The following PIBF1 variants were observed in gnomAD, a reference collection of about 807,000 sequenced individuals.
PIBF1 encodes progesterone immunomodulatory binding factor 1.
PIBF1 carries 90 observed loss-of-function variants against 112.5 expected under a neutral mutation model. The ratio of observed to expected loss-of-function variants is 0.80; its 90% CI spans 0.67 to 0.95. PIBF1 has a LOEUF of 0.95. Among genes scored for constraint, PIBF1 ranks in the 40% least tolerant of loss-of-function variants. The pLI, the probability that PIBF1 is intolerant of heterozygous loss-of-function variation, is 0.00. For synonymous variants in PIBF1, 301 were observed against 288.6 expected (o/e 1.04, Z -0.44); for missense variants, 915 against 852.3 (o/e 1.07, Z -0.92).
intron 16 of PIBF1, chr13:72,974,289 C>G (rs1007769921): frequency 6.6e-6 from 1 of 152,166 alleles, no homozygotes; most frequent in African/African-American, 2.4e-5. Context: ...ACAGTTGTGT[C>G]AGCACCACCA....
intron 3 of PIBF1, among the ~76,000 whole-genome samples, chr13:72,793,077 A>G (rs2035018571): frequency 6.6e-6 from 1 of 152,224 alleles, no homozygotes; most frequent in Non-Finnish European, 1.5e-5. Context: ...TTAAAGATTG[A>G]GGGCAAACAT....
intron 2 of PIBF1, among the ~76,000 whole-genome samples, chr13:72,785,336 G>A (rs144101167): frequency 1.2e-3 from 176 of 152,220 alleles, no homozygotes; most frequent in East Asian, 5.8e-3. Context: ...CCATGAGGAC[G>A]GGGATGTTTT....
At chr13:72,814,292 C>T (rs1327447436) in intron 5 of PIBF1, among the ~76,000 whole-genome samples, 3 of 151,688 alleles carry the variant, frequency 2.0e-5, no homozygotes, top group Middle Eastern at 3.2e-3. Flanking sequence ...AAAAATTAGC[C>T]GGGCATAGTG....
At chr13:72,909,769 G>C (rs1483050943) in intron 12 of PIBF1, among the ~76,000 whole-genome samples, 7 of 152,138 alleles carry the variant, frequency 4.6e-5, no homozygotes, top group Non-Finnish European at 1.0e-4. Flanking sequence ...TGGGATTACA[G>C]ACGTGAGCCA....
chr13:72,800,772 A>G (rs544983307), intron 5 of PIBF1, among the ~76,000 whole-genome samples: 8 of 152,360 alleles, frequency 5.3e-5, no homozygotes, highest in African/African-American at 1.4e-4. Flanking sequence ...AGGGAAAACA[A>G]TAGCAAATCA....
At chr13:72,864,712 CTAAAGT>C (rs2038851232) in intron 10 of PIBF1, among the ~76,000 whole-genome samples, 1 of 152,046 alleles carries the variant, frequency 6.6e-6, no homozygotes, top group Non-Finnish European at 1.5e-5. Flanking sequence ...CTCATAAAAA[CTAAAGT>C]TAAGGGTAAG....
intron 8 of PIBF1, among the ~76,000 whole-genome samples, chr13:72,829,864 T>C (rs2138174552): frequency 6.6e-6 from 1 of 152,278 alleles, no homozygotes; most frequent in Admixed American, 6.5e-5. Context: ...ATAAATTACT[T>C]TGGGCAGTAT....
At chr13:72,910,687 G>A (rs990111739) in intron 12 of PIBF1, among the ~76,000 whole-genome samples, 1 of 152,016 alleles carries the variant, frequency 6.6e-6, no homozygotes, top group African/African-American at 2.4e-5. Context: ...AAATCAGAAA[G>A]GAATAGTAAG....
intron 14 of PIBF1, among the ~76,000 whole-genome samples, chr13:72,960,979 TG>T (rs2042588213): frequency 6.6e-6 from 1 of 151,528 alleles, no homozygotes; most frequent in Non-Finnish European, 1.5e-5. Context: ...TTCACTATAA[TG>T]AAATGTGTTC....
chr13:72,995,855 C>T (rs542598278), intron 16 of PIBF1, among the ~76,000 whole-genome samples: 1 of 150,944 alleles, frequency 6.6e-6, no homozygotes, highest in Non-Finnish European at 1.5e-5. Context: ...GAGGCTGAGG[C>T]AGAGAATTGC....
At chr13:72,815,259 G>A (rs1346259650) in intron 5 of PIBF1, among the ~76,000 whole-genome samples, 1 of 152,170 alleles carries the variant, frequency 6.6e-6, no homozygotes, top group African/African-American at 2.4e-5. Context: ...GTATATTCCA[G>A]CACAGAAAGA....
At chr13:72,979,601 C>G (rs1276739811) in intron 16 of PIBF1, among the ~76,000 whole-genome samples, 1 of 151,988 alleles carries the variant, frequency 6.6e-6, no homozygotes, top group Non-Finnish European at 1.5e-5. Flanking sequence ...TGAGGTGAAA[C>G]AAAAATGGAC....
At chr13:73,011,537 C>T (rs1283626272) in intron 17 of PIBF1, among the ~76,000 whole-genome samples, 1 of 152,146 alleles carries the variant, frequency 6.6e-6, no homozygotes, top group East Asian at 1.9e-4. Flanking sequence ...GGGGCTTTAT[C>T]AAAGCCTAAC....
Position 72,928,028 on chromosome 13 carries a change from T to TATATATATATACATATATATAC in PIBF1, c.1731-3126_1731-3125insCATATATATACATATATATATA, listed in dbSNP as rs2041579021. Among the ~76,000 whole-genome samples, 17 of 58,854 alleles carry TATATATATATACATATATATAC rather than the reference T, an allele frequency of 2.9e-4. No individual in the cohort carries two copies. The South Asian group carries it at 5.3e-3, about 18-fold the overall frequency. 38.6% of individuals were successfully genotyped at this position (58,854 alleles called of 152,430 possible). A position where few individuals can be genotyped will look rare whatever the true frequency, so the allele number is the denominator to read the frequency against. On this transcript the variant is annotated intron_variant, in intron 13 of 17. Coordinates refer to ENST00000326291, the MANE Select transcript of PIBF1 (RefSeq NM_006346.4). ...ATACATATATATACATATATATACA[T>TATATATATATACATATATATAC]ATATATATATATATATACATATATA...
intron 5 of PIBF1, among the ~76,000 whole-genome samples, chr13:72,819,548 T>A (rs981033752): frequency 6.6e-6 from 1 of 152,128 alleles, no homozygotes; most frequent in Non-Finnish European, 1.5e-5. Flanking sequence ...GCCGACTGAT[T>A]TGGATTTGAC....
intron 16 of PIBF1, among the ~76,000 whole-genome samples, chr13:72,988,296 A>G (rs1566522823): frequency 6.6e-6 from 1 of 152,230 alleles, no homozygotes; most frequent in East Asian, 1.9e-4. Flanking sequence ...TACTCAGTGA[A>G]CATTCACTTC....
chr13:72,928,567 G>T (rs758471419), intron 13 of PIBF1, among the ~76,000 whole-genome samples: 5 of 152,124 alleles, frequency 3.3e-5, no homozygotes, highest in Non-Finnish European at 5.9e-5. Context: ...AGCCTCCTCA[G>T]TTGCTGGGAT....
intron 14 of PIBF1, among the ~76,000 whole-genome samples, chr13:72,947,199 C>T (rs575878746): frequency 2.6e-5 from 4 of 152,344 alleles, no homozygotes; most frequent in Admixed American, 1.3e-4. Flanking sequence ...CCCAACACCA[C>T]GTGGAAGCTG....
At chr13:72,909,159 A>T (rs1019579166) in intron 12 of PIBF1, among the ~76,000 whole-genome samples, 2 of 152,214 alleles carry the variant, frequency 1.3e-5, no homozygotes, top group African/African-American at 4.8e-5. Flanking sequence ...TCTTCATCTT[A>T]GAAATTGCAG....
Sources: gnomAD v4.1 joint callset for allele counts (sites outside exome capture counted in the v4.1 genomes callset) on GRCh38, gnomAD v4.1.1 for gene constraint, MANE v1.5 for transcripts, NCBI Gene and HGNC (gene_info 2026-07-23, HGNC 2026-07-21) for gene names.